The following DCAF8L2 variants were observed in gnomAD, a reference collection of about 807,000 sequenced individuals.
The protein encoded by DCAF8L2 is DDB1- and CUL4-associated factor 8-like protein 2.
For synonymous variants in DCAF8L2, 200 were observed against 190.9 expected, an observed-to-expected ratio of 1.05 and a Z score of -0.39; for missense variants, 430 against 490.7, an observed-to-expected ratio of 0.88 and a Z score of 1.17.
intron 2 of DCAF8L2, among the ~76,000 whole-genome samples, chrX:27,652,911 A>G (rs975595088): frequency 2.7e-5 from 3 of 112,504 alleles, no homozygotes; most frequent in Admixed American, 9.4e-5. Flanking sequence ...ATGTTTAATT[A>G]TGATTACTAG....
rs1462402280 is a variant in DCAF8L2 at position 27,723,459 on chromosome X, C to T, written c.-59+7288C>T. On this transcript the variant is annotated intron_variant, in intron 4 of 4. Transcript: ENST00000451261. ...TAATTCTTAGAAAAACAAATACAAA[C>T]TGAATTTTAAAATAGAAAATGATTC... 3.6e-5 allele frequency among the ~76,000 whole-genome samples: 4 copies of T among 110,823 alleles called. No individual in the cohort carries two copies. In the East Asian group the frequency reaches 8.4e-4, roughly 23 times the overall value.
intron 4 of DCAF8L2, among the ~76,000 whole-genome samples, chrX:27,730,877 A>G (rs1569195570): frequency 9.0e-6 from 1 of 111,276 alleles, no homozygotes; most frequent in Admixed American, 9.6e-5. Flanking sequence ...ACCTAAACAT[A>G]TTTCATTTCA....
the DCAF8L2 span, among the ~76,000 whole-genome samples, chrX:27,526,244 T>TTTAGAG: frequency 8.9e-6 from 1 of 112,132 alleles, no homozygotes; most frequent in African/African-American, 3.2e-5. Context: ...CTTTTTTCTC[T>TTTAGAG]AAACTTCTCT....
chrX:27,610,861 C>T (rs1927126376), intron 1 of DCAF8L2, among the ~76,000 whole-genome samples: 1 of 112,406 alleles, frequency 8.9e-6, no homozygotes, highest in Non-Finnish European at 1.9e-5. Flanking sequence ...ATTGCAGGTG[C>T]TGTGCTGGAC....
chrX:27,474,617 G>GTT, the DCAF8L2 span, among the ~76,000 whole-genome samples: 1 of 112,026 alleles, frequency 8.9e-6, no homozygotes, highest in Non-Finnish European at 1.9e-5. Flanking sequence ...TAAAACACTG[G>GTT]TTACTGGTGA....
chrX:27,699,378 G>A (rs950991650), intron 3 of DCAF8L2, among the ~76,000 whole-genome samples: 6 of 112,047 alleles, frequency 5.4e-5, no homozygotes, highest in Non-Finnish European at 1.1e-4. Context: ...CAGTCAGCAA[G>A]GGAGGGAAAA....
chrX:27,747,021 G>A lies in DCAF8L2; in HGVS notation c.126G>A (p.Ala42=). 8.5e-7 allele frequency: 1 copy of A among 1,179,475 alleles called. No homozygotes were observed. Among genetic ancestry groups the A allele is most frequent in the Non-Finnish European group, 1.1e-6 (1 of 878,828 alleles). Residue 42 remains alanine, a synonymous_variant, in exon 5 of 5, where the codon GCG becomes GCA. Transcript: ENST00000451261. The part of the protein sequence containing the change: ...ATEASSDIDI[A]TSELSVTVTG... ...AGGCCTCCTCAGACATTGACATAGC[G>A]ACCTCAGAGCTGAGTGTGACAGTGA...
chrX:27,690,425 G>A (rs1930671575), intron 3 of DCAF8L2, among the ~76,000 whole-genome samples: 1 of 111,535 alleles, frequency 9.0e-6, no homozygotes, highest in African/African-American at 3.3e-5. Context: ...TGCATGTCTT[G>A]ACTGTGGCTC....
At chrX:27,595,155 A>C (rs1189380456) in intron 1 of DCAF8L2, among the ~76,000 whole-genome samples, 2 of 111,458 alleles carry the variant, frequency 1.8e-5, no homozygotes, top group Non-Finnish European at 3.8e-5. Context: ...ATATTTACTC[A>C]GTCCCTCACT....
At chrX:27,647,148 T>C (rs1203252421) in intron 2 of DCAF8L2, among the ~76,000 whole-genome samples, 1 of 111,692 alleles carries the variant, frequency 9.0e-6, no homozygotes, top group Non-Finnish European at 1.9e-5. Flanking sequence ...AGCAAACACA[T>C]GGAATCAACC....
At chrX:27,474,029 G>A in the DCAF8L2 span, among the ~76,000 whole-genome samples, 9 of 110,624 alleles carry the variant, frequency 8.1e-5, no homozygotes, top group African/African-American at 2.6e-4. Context: ...TTGGAGTCCC[G>A]AGGGTATTTT....
chrX:27,740,966 G>A lies in DCAF8L2; in HGVS notation c.-58-5872G>A, dbSNP rs112829772. On this transcript the variant is annotated intron_variant, in intron 4 of 4. Transcript: ENST00000451261. The stretch of plus-strand genomic sequence containing the variant: ...GGGAATGCCACTTTTATTCACCACC[G>A]TATTATCAGTACCTAGACTAGTACA... Among the ~76,000 whole-genome samples, 80 of 111,371 alleles carry A rather than the reference G, an allele frequency of 7.2e-4. No individual in the cohort carries two copies. The Middle Eastern group carries it at 0.018, about 26-fold the overall frequency.
intron 3 of DCAF8L2, among the ~76,000 whole-genome samples, chrX:27,709,832 T>A (rs1309441269): frequency 9.2e-6 from 1 of 108,825 alleles, no homozygotes; most frequent in Non-Finnish European, 2.0e-5. Flanking sequence ...TTTTTTTTTT[T>A]AACAATGTCT....
intron 2 of DCAF8L2, among the ~76,000 whole-genome samples, chrX:27,650,700 T>A (rs978683312): frequency 8.9e-6 from 1 of 112,309 alleles, no homozygotes; most frequent in Non-Finnish European, 1.9e-5. Context: ...TTTGGTGAAG[T>A]CTTTACTATT....
intron 1 of DCAF8L2, among the ~76,000 whole-genome samples, chrX:27,606,172 G>T (rs1457383755): frequency 1.0e-5 from 1 of 99,801 alleles, no homozygotes; most frequent in East Asian, 3.1e-4. Context: ...GGTGTGGAAG[G>T]CGGACCTTGA....
intron 3 of DCAF8L2, among the ~76,000 whole-genome samples, chrX:27,710,362 T>C (rs920624795): frequency 4.5e-5 from 5 of 111,838 alleles, no homozygotes; most frequent in African/African-American, 1.6e-4. Context: ...TTGTGTTGAA[T>C]ATATAGATAA....
intron 3 of DCAF8L2, among the ~76,000 whole-genome samples, chrX:27,679,324 T>TTA (rs1930245375): frequency 9.0e-6 from 1 of 111,153 alleles, no homozygotes; most frequent in Admixed American, 9.6e-5. Context: ...AGCTTTTTTT[T>TTA]TTCCTATTTA....
At chrX:27,570,990 T>G in the DCAF8L2 span, among the ~76,000 whole-genome samples, 8 of 111,722 alleles carry the variant, frequency 7.2e-5, no homozygotes, top group South Asian at 3.0e-3. Context: ...TGTTCTTTGA[T>G]TCTCTAATAG....
At chrX:27,520,597 C>T in the DCAF8L2 span, among the ~76,000 whole-genome samples, 1 of 111,798 alleles carries the variant, frequency 8.9e-6, no homozygotes, top group South Asian at 3.7e-4. Flanking sequence ...ATAATTTCTT[C>T]TGTCTTCAAA....
Sources: allele counts gnomAD v4.1 joint callset (sites outside exome capture counted in the v4.1 genomes callset), GRCh38; gene constraint gnomAD v4.1.1; transcripts MANE v1.5; gene names NCBI Gene and HGNC (gene_info 2026-07-23, HGNC 2026-07-21).